The following EPB41L1 variants were observed in gnomAD, a reference collection of about 807,000 sequenced individuals.
EPB41L1 encodes the protein band 4.1-like protein 1.
A neutral mutation model predicts 97.8 loss-of-function variants in EPB41L1; 29 were observed. The observed-to-expected ratio is 0.30, with a 90% CI of 0.22 to 0.40. The LOEUF (loss-of-function observed/expected upper bound fraction) is 0.40. EPB41L1 is among the 10% of genes least tolerant of loss of function. The probability of loss-of-function intolerance (pLI) is 1.00; values close to 1 mark genes in which losing one functional copy is unlikely to be tolerated. For missense variants in EPB41L1, 812 were observed against 1,162.3 expected, an observed-to-expected ratio of 0.70 and a Z score of 4.38; for synonymous variants, 383 against 459.2, an observed-to-expected ratio of 0.83 and a Z score of 2.12.
intron 1 of EPB41L1, among the ~76,000 whole-genome samples, chr20:36,172,525 T>C (rs2061037505): frequency 6.6e-6 from 1 of 152,274 alleles, no homozygotes; most frequent in Non-Finnish European, 1.5e-5. Flanking sequence ...TTAACATTGG[T>C]AAGTATCCTT....
At chr20:36,210,119 A>G (rs2063048938) in intron 15 of EPB41L1, among the ~76,000 whole-genome samples, 1 of 152,126 alleles carries the variant, frequency 6.6e-6, no homozygotes, top group African/African-American at 2.4e-5. Context: ...CTGTGACCCC[A>G]TCGCTTGCTG....
chr20:36,107,595 C>T (rs1432388302), intron 1 of EPB41L1, among the ~76,000 whole-genome samples: 7 of 150,700 alleles, frequency 4.6e-5, no homozygotes, highest in East Asian at 4.0e-4. Flanking sequence ...TTTGGGAGGC[C>T]GAGGTGGGCA....
chr20:36,103,824 T>A (rs1202052371), intron 1 of EPB41L1, among the ~76,000 whole-genome samples: 2 of 151,216 alleles, frequency 1.3e-5, no homozygotes, highest in African/African-American at 4.9e-5. Flanking sequence ...TGCCTCAGCC[T>A]CCTGAGTAGC....
chr20:36,220,187 A>G (rs1420957649), intron 19 of EPB41L1, among the ~76,000 whole-genome samples: 1 of 152,252 alleles, frequency 6.6e-6, no homozygotes, highest in Non-Finnish European at 1.5e-5. Context: ...TCCTGGAAGA[A>G]GTAGGGACTG....
chr20:36,218,539 T>G (rs1302160692), intron 17 of EPB41L1, among the ~76,000 whole-genome samples: 1 of 152,208 alleles, frequency 6.6e-6, no homozygotes, highest in African/African-American at 2.4e-5. Context: ...GTCACATGGC[T>G]TGAAGGTGGC....
Position 36,197,917 on chromosome 20 carries a change from A to G in EPB41L1, c.1544A>G (p.Lys515Arg), listed in dbSNP as rs762816572. 2.5e-6 allele frequency: 4 copies of G among 1,614,150 alleles called. No individual in the cohort carries two copies. The highest frequency in any genetic ancestry group is 1.3e-5 in the African/African-American group (1 of 75,030). ...CACCAGGCCAGCATCAATGAGCTCAAAAGGACCCTGAAGGAGCCCAACAGC... is the reference window on the plus strand; with the variant it reads ...CACCAGGCCAGCATCAATGAGCTCAGAAGGACCCTGAAGGAGCCCAACAGC... ...LKHQASINEL[K>R]RTLKEPNSKL... The change falls in exon 14 of 22, where the codon AAA (lysine) becomes AGA (arginine). Residue 515 changes from lysine to arginine, a missense_variant. Physicochemically the swap from Lys to Arg is conservative, Grantham distance 26. Transcript: ENST00000338074.
In EPB41L1 at chr20:36,173,820, C is replaced by G; in HGVS notation, c.43C>G (p.Gln15Glu). The part of the protein sequence containing the change: ...TGPDSEVKKA[Q>E]EEAPQQPEAA... The stretch of plus-strand genomic sequence containing the variant: ...CCCCGACTCTGAGGTGAAGAAAGCT[C>G]AGGAGGAGGCCCCGCAGCAGCCCGA... The change falls in exon 2 of 22, where the codon CAG becomes GAG. Residue 15 changes from glutamine to glutamate, a missense_variant. Gln to Glu is a conservative substitution (Grantham distance 29). This residue lies in a region of EPB41L1 where 84 missense variants were observed against 94.3 expected (regional missense o/e 0.89). Coordinates refer to ENST00000338074, the MANE Select transcript of EPB41L1 (RefSeq NM_012156.2). The G allele has an allele frequency of 6.2e-7, 1 of 1,614,150 alleles. No homozygotes were observed. The highest frequency in any genetic ancestry group is 8.5e-7 in the Non-Finnish European group (1 of 1,180,022).
At chr20:36,132,648 G>C (rs1326102745) in intron 2 of EPB41L1, among the ~76,000 whole-genome samples, 1 of 151,110 alleles carries the variant, frequency 6.6e-6, no homozygotes, top group African/African-American at 2.4e-5. Flanking sequence ...CCCAGGTCCT[G>C]CTGGAATTGT....
In EPB41L1 at chr20:36,175,671, C is replaced by T. The variant is rs779328780; in HGVS notation, c.298C>T (p.Arg100Trp). Reference sequence around the variant, plus strand: ...CAAGAAATACAAGAGTGCCATCTGCCGGGTCACTCTGCTTGATGCCTCGGA... The same window carrying T: ...CAAGAAATACAAGAGTGCCATCTGCTGGGTCACTCTGCTTGATGCCTCGGA... ...IAKKYKSAIC[R>W]VTLLDASEYE... The change falls in exon 3 of 22, where the codon CGG becomes TGG. Residue 100 changes from arginine (R) to tryptophan (W), a missense_variant. Arg to Trp is a moderately radical substitution (Grantham distance 101). Transcript: ENST00000338074. The T allele has an allele frequency of 8.7e-6, 14 of 1,614,112 alleles. No individual in the cohort carries two copies. The highest frequency in any genetic ancestry group is 3.3e-4 in the Middle Eastern group (2 of 6,062).
intron 1 of EPB41L1, among the ~76,000 whole-genome samples, chr20:36,097,317 A>T (rs1438177420): frequency 6.6e-6 from 1 of 152,018 alleles, no homozygotes; most frequent in East Asian, 1.9e-4. Context: ...AGCTGGGGGG[A>T]CTAGGGCAAG....
intron 2 of EPB41L1, among the ~76,000 whole-genome samples, chr20:36,132,903 C>A (rs1432689394): frequency 6.6e-6 from 1 of 152,234 alleles, no homozygotes; most frequent in African/African-American, 2.4e-5. Context: ...GCAGCACCCG[C>A]TCCACACACC....
intron 1 of EPB41L1, among the ~76,000 whole-genome samples, chr20:36,164,567 A>G (rs2060660520): frequency 6.6e-6 from 1 of 152,164 alleles, no homozygotes; most frequent in Non-Finnish European, 1.5e-5. Context: ...GTGTGTTCTC[A>G]TGTTGTTTCA....
At chr20:36,191,910 G>A in intron 11 of EPB41L1, among the ~76,000 whole-genome samples, 1 of 152,150 alleles carries the variant, frequency 6.6e-6, no homozygotes, top group East Asian at 1.9e-4. Context: ...TTGTTTTTAG[G>A]TTTGTAGAGA....
At chr20:36,126,470 G>A (rs199631700) in intron 2 of EPB41L1, among the ~76,000 whole-genome samples, 7 of 151,652 alleles carry the variant, frequency 4.6e-5, no homozygotes, top group East Asian at 3.9e-4. Flanking sequence ...GGGTTCAAGC[G>A]ATTCTCCTAA....
At chr20:36,222,045 T>C in intron 20 of EPB41L1, 101 bp downstream of exon 20, 1 of 1,281,804 alleles carries the variant, frequency 7.8e-7, no homozygotes, top group Non-Finnish European at 1.1e-6. Flanking sequence ...GCAGAGAAGG[T>C]GTCCACTTCT....
intron 6 of EPB41L1, among the ~76,000 whole-genome samples, chr20:36,184,157 C>A (rs368861443): frequency 5.3e-4 from 81 of 152,088 alleles, no homozygotes; most frequent in African/African-American, 1.9e-3. Context: ...ATCGCTTGAA[C>A]CTGAGAGGCA....
intron 1 of EPB41L1, among the ~76,000 whole-genome samples, chr20:36,107,125 T>G (rs180939096): frequency 6.6e-6 from 1 of 152,196 alleles, no homozygotes; most frequent in East Asian, 1.9e-4. Context: ...TTTATTTGAT[T>G]TTAACTAATT....
chr20:36,226,046 T>G (rs1054758293), intron 21 of EPB41L1, among the ~76,000 whole-genome samples: 3 of 152,240 alleles, frequency 2.0e-5, no homozygotes, highest in African/African-American at 7.2e-5. Context: ...TCCCTTGCCT[T>G]TTCTGCCCAC....
At chr20:36,189,322 C>T (rs2061840963) in intron 9 of EPB41L1, among the ~76,000 whole-genome samples, 1 of 152,114 alleles carries the variant, frequency 6.6e-6, no homozygotes, top group African/African-American at 2.4e-5. Context: ...CCCACTCCCC[C>T]TTCCCATCCA....
Sources: allele counts gnomAD v4.1 joint callset (sites outside exome capture counted in the v4.1 genomes callset), GRCh38; gene constraint gnomAD v4.1.1; regional missense constraint gnomAD v4.1.1; transcripts MANE v1.5; gene names NCBI Gene and HGNC (gene_info 2026-07-23, HGNC 2026-07-21).